Variants in ROBO1 observed in about 807,000 individuals in gnomAD.
The protein encoded by ROBO1 is roundabout homolog 1.
A neutral mutation model predicts 195.9 loss-of-function variants in ROBO1; 149 were observed. The ratio of observed to expected loss-of-function variants is 0.76; its 90% CI spans 0.67 to 0.87. ROBO1 has a LOEUF of 0.87. ROBO1 is among the 40% of genes least tolerant of loss of function. The pLI, the probability that ROBO1 is intolerant of heterozygous loss-of-function variation, is 0.00. For missense variants in ROBO1, 1,933 were observed against 2,068.3 expected (o/e 0.93, Z 1.27); for synonymous variants, 816 against 733.2 (o/e 1.11, Z -1.82).
At chr3:78,996,157 C>A (rs1300304201) in intron 3 of ROBO1, among the ~76,000 whole-genome samples, 1 of 151,980 alleles carries the variant, frequency 6.6e-6, no homozygotes, top group Non-Finnish European at 1.5e-5. Context: ...CCTCCACCAA[C>A]TGGTATATAA....
chr3:79,659,165 C>T (rs552758612), intron 1 of ROBO1, among the ~76,000 whole-genome samples: 24 of 152,044 alleles, frequency 1.6e-4, no homozygotes, highest in African/African-American at 4.8e-4. Flanking sequence ...ATTAACCATC[C>T]GGTTGACTCA....
chr3:78,879,909 T>C (rs902577974), intron 4 of ROBO1, among the ~76,000 whole-genome samples: 3 of 152,166 alleles, frequency 2.0e-5, no homozygotes, highest in Non-Finnish European at 4.4e-5. Context: ...CATTGTTTCC[T>C]AGATTTGATA....
At chr3:79,091,196 G>C (rs898231801) in intron 3 of ROBO1, among the ~76,000 whole-genome samples, 1 of 152,046 alleles carries the variant, frequency 6.6e-6, no homozygotes, top group African/African-American at 2.4e-5. Flanking sequence ...AAAATACACA[G>C]TTCAATATAA....
chr3:78,978,902 C>G (rs1032333373), intron 3 of ROBO1, among the ~76,000 whole-genome samples: 1 of 152,152 alleles, frequency 6.6e-6, no homozygotes. Flanking sequence ...TACAAACCTC[C>G]TTATCAACAT....
At chr3:79,085,292 A>C (rs1177334451) in intron 3 of ROBO1, among the ~76,000 whole-genome samples, 1 of 152,152 alleles carries the variant, frequency 6.6e-6, no homozygotes, top group Non-Finnish European at 1.5e-5. Flanking sequence ...TATTCTGGAC[A>C]CTTCTGTTTA....
chr3:79,366,894 CAG>C (rs140025863), intron 2 of ROBO1, among the ~76,000 whole-genome samples: 82,120 of 151,674 alleles, frequency 0.54, 22,466 homozygotes, highest in African/African-American at 0.6. Flanking sequence ...GTCTTAGAAA[CAG>C]GGGGAAGCTC....
chr3:79,289,275 A>G (rs2032089869), intron 2 of ROBO1, among the ~76,000 whole-genome samples: 1 of 152,188 alleles, frequency 6.6e-6, no homozygotes, highest in Non-Finnish European at 1.5e-5. Flanking sequence ...AGATAAACCA[A>G]TATATTTGGT....
At chr3:79,506,048 C>T (rs557296531) in intron 2 of ROBO1, among the ~76,000 whole-genome samples, 1 of 152,118 alleles carries the variant, frequency 6.6e-6, no homozygotes, top group Non-Finnish European at 1.5e-5. Context: ...ACTGGAAATA[C>T]ACCTAGACAA....
At chr3:79,155,639 G>A (rs2108649291) in intron 2 of ROBO1, among the ~76,000 whole-genome samples, 1 of 151,588 alleles carries the variant, frequency 6.6e-6, no homozygotes, top group East Asian at 2.0e-4. Context: ...ATTTCCCGTG[G>A]ATTATTTCTT....
At chr3:78,787,132 G>C (rs2083860201) in intron 4 of ROBO1, among the ~76,000 whole-genome samples, 1 of 152,146 alleles carries the variant, frequency 6.6e-6, no homozygotes, top group Non-Finnish European at 1.5e-5. Flanking sequence ...TGATTTCTGA[G>C]AATAAGTTCC....
chr3:78,657,479 T>A (rs2107649093), intron 17 of ROBO1, among the ~76,000 whole-genome samples: 1 of 152,332 alleles, frequency 6.6e-6, no homozygotes, highest in South Asian at 2.1e-4. Flanking sequence ...AAGGCATCTT[T>A]ATTACTTTCT....
chr3:79,050,049 A>G (rs2108361618), intron 3 of ROBO1, among the ~76,000 whole-genome samples: 1 of 152,296 alleles, frequency 6.6e-6, no homozygotes, highest in East Asian at 1.9e-4. Context: ...TAACAATATT[A>G]ACCTTAAATG....
chr3:79,675,313 A>G (rs1190136640), intron 1 of ROBO1, among the ~76,000 whole-genome samples: 1 of 152,038 alleles, frequency 6.6e-6, no homozygotes, highest in South Asian at 2.1e-4. Flanking sequence ...TAAATATTAA[A>G]GAAAGCAAAA....
intron 2 of ROBO1, among the ~76,000 whole-genome samples, chr3:79,524,658 C>T (rs1941352891): frequency 1.3e-5 from 2 of 152,044 alleles, no homozygotes; most frequent in African/African-American, 4.8e-5. Flanking sequence ...AAACTGGATT[C>T]TAAAGTAAAC....
At chr3:79,034,235 T>G (rs1025342971) in intron 3 of ROBO1, among the ~76,000 whole-genome samples, 1 of 152,216 alleles carries the variant, frequency 6.6e-6, no homozygotes, top group African/African-American at 2.4e-5. Context: ...TTTAAAAAGA[T>G]GCCCTTTGCC....
At chr3:79,152,012 C>T (rs1166369951) in intron 2 of ROBO1, among the ~76,000 whole-genome samples, 1 of 151,676 alleles carries the variant, frequency 6.6e-6, no homozygotes, top group Non-Finnish European at 1.5e-5. Context: ...TCACGTTGTA[C>T]ATTTATACGA....
chr3:79,636,851 C>T (rs1045779425), intron 1 of ROBO1, among the ~76,000 whole-genome samples: 4 of 152,250 alleles, frequency 2.6e-5, no homozygotes, highest in East Asian at 1.9e-4. Flanking sequence ...AACGTGTTAG[C>T]TGTATAATAA....
intron 1 of ROBO1, among the ~76,000 whole-genome samples, chr3:79,709,525 GT>G (rs1702191170): frequency 6.6e-6 from 1 of 152,072 alleles, no homozygotes; most frequent in South Asian, 2.1e-4. Context: ...CAGAAAAAAG[GT>G]TTTCAATATG....
At chr3:79,173,415 CG>C (rs1380712166) in intron 2 of ROBO1, among the ~76,000 whole-genome samples, 2 of 151,732 alleles carry the variant, frequency 1.3e-5, no homozygotes, top group Non-Finnish European at 2.9e-5. Context: ...GTGGGCTCGG[CG>C]GGCCCGCACT....
Sources: allele counts gnomAD v4.1 joint callset (sites outside exome capture counted in the v4.1 genomes callset), GRCh38; gene constraint gnomAD v4.1.1; transcripts MANE v1.5; gene names NCBI Gene and HGNC (gene_info 2026-07-23, HGNC 2026-07-21).